The following ADGRB3 variants were observed in gnomAD, a reference collection of about 807,000 sequenced individuals.
ADGRB3 encodes the protein brain-specific angiogenesis inhibitor 3.
ADGRB3 carries 37 observed loss-of-function variants against 193.4 expected under a neutral mutation model. The observed-to-expected ratio is 0.19, with a 90% CI of 0.15 to 0.25. The LOEUF (loss-of-function observed/expected upper bound fraction) is 0.25. Ranked by LOEUF, ADGRB3 falls within the 10% of genes least tolerant of loss-of-function variation. The pLI is 1.00. For missense variants in ADGRB3, 1,637 were observed against 1,852.9 expected (o/e 0.88, Z 2.14); for synonymous variants, 690 against 644.2 (o/e 1.07, Z -1.08).
At chr6:69,360,810 A>C in intron 28 of ADGRB3, 59 bp from the exon 29 acceptor site, 3 of 1,461,088 alleles carry the variant, frequency 2.1e-6, no homozygotes, top group Middle Eastern at 1.8e-4. Context: ...ACATAATATA[A>C]TAATGAAAAA....
chr6:69,062,836 A>G (rs866336508), intron 15 of ADGRB3, 98 bp from the exon 16 acceptor site: 54 of 769,250 alleles, frequency 7.0e-5, no homozygotes, highest in Admixed American at 2.6e-4. Context: ...TTTGCTTTGG[A>G]TGCATTTATT....
At chr6:68,884,512 T>TTTTCC (rs2150226168) in intron 3 of ADGRB3, among the ~76,000 whole-genome samples, 1 of 152,196 alleles carries the variant, frequency 6.6e-6, no homozygotes, top group East Asian at 1.9e-4. Flanking sequence ...AAGTTAGTAT[T>TTTTCC]TCAGGCAGAG....
chr6:69,349,693 A>G (rs1036270746), intron 26 of ADGRB3, among the ~76,000 whole-genome samples: 2 of 152,224 alleles, frequency 1.3e-5, no homozygotes, highest in African/African-American at 2.4e-5. Context: ...AAAAGGCCAC[A>G]TAAGAAACTC....
At chr6:69,177,040 A>C (rs1438570976) in intron 17 of ADGRB3, among the ~76,000 whole-genome samples, 1 of 152,138 alleles carries the variant, frequency 6.6e-6, no homozygotes, top group African/African-American at 2.4e-5. Context: ...CTTAGCTAGC[A>C]ATCTGTCGAT....
chr6:68,917,835 C>T (rs1766925949), intron 3 of ADGRB3, among the ~76,000 whole-genome samples: 1 of 152,104 alleles, frequency 6.6e-6, no homozygotes, highest in Non-Finnish European at 1.5e-5. Context: ...TTCAAAAGTT[C>T]TGAATTCCAT....
rs9354811 is a variant in ADGRB3, at chr6:68,941,924, A to T, written c.1031-1906A>T. Among the ~76,000 whole-genome samples, 147 of 148,964 alleles carry T rather than the reference A, an allele frequency of 9.9e-4. No homozygotes were observed. In the East Asian group the frequency reaches 0.02, roughly 20 times the overall value. On this transcript the variant is annotated intron_variant, in intron 5 of 31. Transcript: ENST00000370598. ...TAGAGCTAAATATAGACTTACTTTT[A>T]TATATATATATATATCAATGGATAT...
intron 3 of ADGRB3, among the ~76,000 whole-genome samples, chr6:68,845,133 G>T (rs184828686): frequency 2.0e-5 from 3 of 152,216 alleles, no homozygotes; most frequent in East Asian, 3.9e-4. Context: ...ACAAGAAAGG[G>T]TTAAATACTT....
intron 5 of ADGRB3, among the ~76,000 whole-genome samples, chr6:68,937,811 A>G (rs1481746729): frequency 6.6e-6 from 1 of 152,188 alleles, no homozygotes; most frequent in Admixed American, 6.5e-5. Context: ...GTAGAGTTTC[A>G]GATTTGCAAA....
intron 17 of ADGRB3, among the ~76,000 whole-genome samples, chr6:69,108,464 A>G (rs1208146615): frequency 6.6e-6 from 1 of 152,048 alleles, no homozygotes; most frequent in Non-Finnish European, 1.5e-5. Context: ...AAGATTACAA[A>G]GCGAACATTA....
intron 17 of ADGRB3, among the ~76,000 whole-genome samples, chr6:69,173,916 G>A (rs929540204): frequency 6.6e-6 from 1 of 152,182 alleles, no homozygotes; most frequent in Non-Finnish European, 1.5e-5. Flanking sequence ...GAACATGCAG[G>A]AATGGTAATT....
chr6:68,818,403 G>A (rs1026254013), intron 3 of ADGRB3, among the ~76,000 whole-genome samples: 2 of 152,046 alleles, frequency 1.3e-5, no homozygotes, highest in East Asian at 3.9e-4. Context: ...CTCAAGATCT[G>A]CTTTCCTTCC....
At chr6:68,883,791 G>C (rs757086582) in intron 3 of ADGRB3, among the ~76,000 whole-genome samples, 1 of 152,036 alleles carries the variant, frequency 6.6e-6, no homozygotes, top group Non-Finnish European at 1.5e-5. Context: ...TCACCGCCAG[G>C]GTCTGCGGCT....
chr6:68,898,504 C>T (rs1766304913), intron 3 of ADGRB3, among the ~76,000 whole-genome samples: 1 of 152,048 alleles, frequency 6.6e-6, no homozygotes, highest in African/African-American at 2.4e-5. Context: ...AATTTACGAT[C>T]ACAACATTAT....
intron 11 of ADGRB3, among the ~76,000 whole-genome samples, chr6:68,994,809 T>C (rs1769338453): frequency 6.6e-6 from 1 of 152,242 alleles, no homozygotes; most frequent in Admixed American, 6.5e-5. Context: ...TTTGTGTTCC[T>C]TCAGCCTACT....
At chr6:68,920,604 C>G (rs114692549) in intron 3 of ADGRB3, among the ~76,000 whole-genome samples, 4,472 of 148,102 alleles carry the variant, frequency 0.03, 205 homozygotes, top group African/African-American at 0.1. Flanking sequence ...ACACTGGATA[C>G]TACGAGTGAG....
At chr6:68,878,554 A>G (rs962133351) in intron 3 of ADGRB3, among the ~76,000 whole-genome samples, 1 of 152,228 alleles carries the variant, frequency 6.6e-6, no homozygotes, top group African/African-American at 2.4e-5. Context: ...CTTGATCAGT[A>G]TCTATAAACA....
At chr6:68,783,439 G>A (rs1345646871) in intron 3 of ADGRB3, among the ~76,000 whole-genome samples, 1 of 151,162 alleles carries the variant, frequency 6.6e-6, no homozygotes, top group African/African-American at 2.4e-5. Flanking sequence ...CAGGGAAAGG[G>A]GAAACTATAG....
At chr6:69,174,795 CTA>C (rs1775379523) in intron 17 of ADGRB3, among the ~76,000 whole-genome samples, 2 of 152,190 alleles carry the variant, frequency 1.3e-5, no homozygotes, top group African/African-American at 4.8e-5. Flanking sequence ...TTAATAATAG[CTA>C]TTCTGACTGG....
chr6:69,160,055 A>C (rs1774942750), intron 17 of ADGRB3, among the ~76,000 whole-genome samples: 1 of 152,208 alleles, frequency 6.6e-6, no homozygotes, highest in African/African-American at 2.4e-5. Flanking sequence ...CATGGCCCAA[A>C]CATTCATGAT....
Sources: gnomAD v4.1 joint callset for allele counts (sites outside exome capture counted in the v4.1 genomes callset) on GRCh38, gnomAD v4.1.1 for gene constraint, MANE v1.5 for transcripts, NCBI Gene and HGNC (gene_info 2026-07-23, HGNC 2026-07-21) for gene names.